The following CFAP206 variants were observed in gnomAD, a reference collection of about 807,000 sequenced individuals.
The protein encoded by CFAP206 is cilia- and flagella-associated protein 206.
A neutral mutation model predicts 65.4 loss-of-function variants in CFAP206; 53 were observed. That is an observed-to-expected ratio of 0.81 (90% CI 0.65 to 1.02). The LOEUF (loss-of-function observed/expected upper bound fraction) is 1.02. Ranked by LOEUF, CFAP206 falls within the 50% of genes least tolerant of loss-of-function variation. The pLI, the probability that CFAP206 is intolerant of heterozygous loss-of-function variation, is 0.00. For missense variants in CFAP206, 663 were observed against 753.2 expected (o/e 0.88, Z 1.40); for synonymous variants, 250 against 254.4 (o/e 0.98, Z 0.17).
At chr6:87,436,019 C>G (rs1158114656) in intron 11 of CFAP206, 2 of 151,296 alleles carry the variant, frequency 1.3e-5, no homozygotes, top group Non-Finnish European at 2.9e-5. Flanking sequence ...TGTTGAATTC[C>G]TCTCTTTTAA....
chr6:87,427,871 TG>T (rs1404055543), intron 8 of CFAP206, among the ~76,000 whole-genome samples: 1 of 152,120 alleles, frequency 6.6e-6, no homozygotes, highest in Non-Finnish European at 1.5e-5. Flanking sequence ...CTTCAGCATC[TG>T]ATTTTTGGTA....
At chr6:87,458,131 AC>A (rs1021501547) in intron 11 of CFAP206, among the ~76,000 whole-genome samples, 1 of 152,176 alleles carries the variant, frequency 6.6e-6, no homozygotes, top group Non-Finnish European at 1.5e-5. Context: ...ATATCATCCC[AC>A]CCCAGTTAAA....
rs539044665 is a variant in CFAP206 at position 87,435,304 on chromosome 6, C to G, written c.1494+251C>G. ...ATCTGAATCAGAACAACTTCATTGA[C>G]TTATAAATAATTGAAGCTGCAGTAT... On this transcript the variant is annotated intron_variant, in intron 11 of 12. Coordinates refer to ENST00000369562, the MANE Select transcript of CFAP206 (RefSeq NM_001031743.3). 6.5e-5 allele frequency: 20 copies of G among 306,892 alleles called. 1 individual carries two copies. The highest frequency in any genetic ancestry group is 4.1e-4 in the African/African-American group (19 of 46,084). 19.0% of individuals were successfully genotyped at this position (306,892 alleles called of 1,614,324 possible).
chr6:87,464,131 A>T lies in CFAP206; in HGVS notation c.1750A>T (p.Arg584Trp), dbSNP rs113923036. Residue 584 changes from arginine to tryptophan, a missense_variant, in exon 13 of 13, where the codon AGG (arginine) becomes TGG (tryptophan). Transcript: ENST00000369562. ...AAAGGACACTAGCACCCAGTCCATG[A>T]GGGAAGACAGCACTGGGGTGCCCAG... ...PPKDTSTQSM[R>W]EDSTGVPRPQ... 2,141 of 1,614,174 alleles carry T rather than the reference A, an allele frequency of 1.3e-3. 30 individuals carry two copies. The African/African-American group carries it at 0.025, about 19-fold the overall frequency.
At chr6:87,417,198 G>C (rs1264060138) in intron 6 of CFAP206, among the ~76,000 whole-genome samples, 2 of 152,172 alleles carry the variant, frequency 1.3e-5, no homozygotes, top group African/African-American at 4.8e-5. Context: ...AGTTCCTGGT[G>C]CAGTTAATGG....
At chr6:87,416,575 C>G in intron 5 of CFAP206, 94 bp from the exon 6 acceptor site, 1 of 1,147,012 alleles carries the variant, frequency 8.7e-7, no homozygotes, top group East Asian at 2.5e-5. Flanking sequence ...TAACTCAGAC[C>G]CTTAACTTGC....
rs182218304 is a variant in CFAP206, at chr6:87,458,517, C to T, written c.1495-2505C>T. 2.4e-3 allele frequency among the ~76,000 whole-genome samples: 366 copies of T among 151,918 alleles called. 2 individuals are homozygous for T. Among genetic ancestry groups the T allele is most frequent in the Middle Eastern group, 0.02 (6 of 294 alleles). On this transcript the variant is annotated intron_variant, in intron 11 of 12. Coordinates refer to ENST00000369562, the MANE Select transcript of CFAP206 (RefSeq NM_001031743.3). ...AAGGAGATCCTGTCATTTGCAAAAA[C>T]GGATGGAACTGGAGAATATTATTTT... is the stretch of plus-strand genomic sequence containing the variant.
chr6:87,457,473 T>C (rs1032177659), intron 11 of CFAP206, among the ~76,000 whole-genome samples: 1 of 152,050 alleles, frequency 6.6e-6, no homozygotes, highest in East Asian at 1.9e-4. Context: ...ACAAGACACA[T>C]AGACCAATGG....
intron 4 of CFAP206, 79 bp from the exon 5 acceptor site, chr6:87,415,607 A>G: frequency 1.6e-6 from 2 of 1,273,960 alleles, no homozygotes; most frequent in African/African-American, 1.5e-5. Context: ...GCCATATCCA[A>G]TCCAGTTTTT....
intron 9 of CFAP206, among the ~76,000 whole-genome samples, 191 bp from the exon 10 acceptor site, chr6:87,430,842 T>C (rs183778146): frequency 6.6e-6 from 1 of 152,368 alleles, no homozygotes; most frequent in Admixed American, 6.5e-5. Context: ...TATATGTCAC[T>C]GAGGTCATTT....
chr6:87,440,257 C>G (rs1768341995), intron 11 of CFAP206, among the ~76,000 whole-genome samples: 1 of 152,018 alleles, frequency 6.6e-6, no homozygotes. Flanking sequence ...AATTTTAGTT[C>G]ATTATTGCTT....
intron 6 of CFAP206, among the ~76,000 whole-genome samples, chr6:87,417,553 CTT>C (rs11394813): frequency 3.0e-5 from 4 of 132,790 alleles, no homozygotes; most frequent in Admixed American, 7.8e-5. Context: ...ACAAACGTTC[CTT>C]TTTTTTTTTT....
chr6:87,459,868 G>GT (rs1252627405), intron 11 of CFAP206, among the ~76,000 whole-genome samples: 4 of 152,142 alleles, frequency 2.6e-5, no homozygotes, highest in African/African-American at 7.2e-5. Context: ...ACCTGGTCTT[G>GT]TTTTTTCCTG....
rs550278975 is a variant in CFAP206, at chr6:87,415,211, T to A, written c.284-475T>A. On this transcript the variant is annotated intron_variant, in intron 4 of 12. Transcript: ENST00000369562. ...TCTAGAACTGAAATAAAAATACACG[T>A]AACCGAAAGGAACATATATACTACA... Among the ~76,000 whole-genome samples, 4 of 152,090 alleles carry A rather than the reference T, an allele frequency of 2.6e-5. No individual in the cohort carries two copies. The East Asian group carries it at 7.7e-4, about 29-fold the overall frequency.
Position 87,434,929 on chromosome 6 carries a change from A to G in CFAP206, c.1370A>G (p.Tyr457Cys). The G allele has an allele frequency of 3.9e-6, 6 of 1,556,544 alleles. No individual in the cohort carries two copies. The highest frequency in any genetic ancestry group is 5.3e-6 in the Non-Finnish European group (6 of 1,132,964). ...YYTFNSKDAA[Y>C]SFAENPEHYI... ...ACATTCAATAGTAAAGATGCTGCAT[A>G]TTCATTTGCAGAAAATCCTGAACAT... Residue 457 changes from tyrosine to cysteine, a missense_variant, in exon 11 of 13, where the codon TAT becomes TGT. Coordinates refer to ENST00000369562, the MANE Select transcript of CFAP206 (RefSeq NM_001031743.3).
chr6:87,421,787 A>G (rs938574588), intron 7 of CFAP206, among the ~76,000 whole-genome samples: 4 of 152,160 alleles, frequency 2.6e-5, no homozygotes, highest in African/African-American at 4.8e-5. Flanking sequence ...TTTCCCCCCA[A>G]GCTATTTTTG....
intron 11 of CFAP206, among the ~76,000 whole-genome samples, chr6:87,445,505 C>T (rs143123449): frequency 6.6e-6 from 1 of 152,180 alleles, no homozygotes; most frequent in East Asian, 1.9e-4. Flanking sequence ...TGCCTTCCAG[C>T]CCCATCCATG....
intron 11 of CFAP206, among the ~76,000 whole-genome samples, chr6:87,456,556 G>A (rs778376705): frequency 5.5e-4 from 83 of 152,118 alleles, no homozygotes; most frequent in Non-Finnish European, 9.6e-4. Context: ...CATCCACCTC[G>A]GAAAGGAAGA....
At chr6:87,425,641 A>G (rs1375710988) in intron 7 of CFAP206, among the ~76,000 whole-genome samples, 1 of 152,222 alleles carries the variant, frequency 6.6e-6, no homozygotes, top group East Asian at 1.9e-4. Flanking sequence ...TCACCGTAAA[A>G]TTGAAGGCAT....
Sources: gnomAD v4.1 joint callset for allele counts (sites outside exome capture counted in the v4.1 genomes callset) on GRCh38, gnomAD v4.1.1 for gene constraint, MANE v1.5 for transcripts, NCBI Gene and HGNC (gene_info 2026-07-23, HGNC 2026-07-21) for gene names.